ARID2: variants seen among roughly 807,000 people sequenced by gnomAD.
ARID2 encodes AT-rich interaction domain 2, also known as AT-rich interactive domain-containing protein 2.
In ARID2, 32 loss-of-function variants were observed where a neutral mutation model predicts 184.6. The observed-to-expected ratio is 0.17, with a 90% CI of 0.13 to 0.23. ARID2 has a LOEUF of 0.23. Among genes scored for constraint, ARID2 ranks in the 10% least tolerant of loss-of-function variants. The probability of loss-of-function intolerance (pLI) is 1.00; values close to 1 mark genes in which losing one functional copy is unlikely to be tolerated. For synonymous variants in ARID2, 836 were observed against 772.6 expected, an observed-to-expected ratio of 1.08 and a Z score of -1.36; for missense variants, 1,696 against 2,197.6, an observed-to-expected ratio of 0.77 and a Z score of 4.56.
rs956321099 is a variant in ARID2 at position 45,837,778 on chromosome 12, C to T, written c.1330+71C>T. The T allele has an allele frequency of 2.0e-5, 28 of 1,369,874 alleles. No individual in the cohort carries two copies. The South Asian group carries it at 2.9e-4, about 14-fold the overall frequency. The allele number at this position is 1,369,874 out of a possible 1,614,324, so 84.9% of individuals were successfully genotyped here. A position where few individuals can be genotyped will look rare whatever the true frequency, so the allele number is the denominator to read the frequency against. On this transcript the variant is annotated intron_variant, in intron 10 of 20. Coordinates refer to ENST00000334344, the MANE Select transcript of ARID2 (RefSeq NM_152641.4). ...TGTTTAATATGGTACTGTACAAAAC[C>T]CTCAATTTATATTTGAGGTTTAGTG...
rs1341766596 is a variant in ARID2, at chr12:45,850,686, A to T, written c.2563A>T (p.Thr855Ser). ...TVIIAPPQYV[T>S]TSASNIVSAT... is the part of the protein sequence containing the mutation. ...TATCATAGCACCCCCACAGTATGTA[A>T]CAACTTCTGCATCCAATATTGTCTC... Residue 855 changes from threonine to serine, a missense_variant, in exon 15 of 21, where the codon ACA (threonine) becomes TCA (serine). Physicochemically the swap from Thr to Ser is moderately conservative, Grantham distance 58. Transcript: ENST00000334344. 6.2e-7 allele frequency: 1 copy of T among 1,614,010 alleles called. No homozygotes were observed. The highest frequency in any genetic ancestry group is 1.3e-5 in the African/African-American group (1 of 74,912).
At chr12:45,854,215 G>C (rs909815081) in intron 15 of ARID2, among the ~76,000 whole-genome samples, 4 of 152,096 alleles carry the variant, frequency 2.6e-5, no homozygotes, top group African/African-American at 7.2e-5. Context: ...CAAGCTCAGA[G>C]CCCCCAATGA....
At chr12:45,817,647 A>G (rs2138092042) in intron 4 of ARID2, 23 bp from the exon 5 acceptor site, 2 of 1,576,254 alleles carry the variant, frequency 1.3e-6, no homozygotes, top group Non-Finnish European at 1.7e-6. Flanking sequence ...TGATATACTT[A>G]AGGTATTTTT....
At chr12:45,848,589 T>C (rs574671750) in intron 12 of ARID2, among the ~76,000 whole-genome samples, 4 of 152,250 alleles carry the variant, frequency 2.6e-5, no homozygotes, top group African/African-American at 7.2e-5. Context: ...CCTGCTCTCA[T>C]TGGGATGTGA....
chr12:45,775,935 A>G (rs1941969128), intron 3 of ARID2: 1 of 157,096 alleles, frequency 6.4e-6, no homozygotes, highest in Admixed American at 6.5e-5. Flanking sequence ...TAATTGGTGA[A>G]AATCCGGTGG....
Position 45,850,704 on chromosome 12 carries a change from A to G in ARID2, c.2581A>G (p.Ile861Val), listed in dbSNP as rs1407814697. 5 of 1,613,918 alleles carry G rather than the reference A, an allele frequency of 3.1e-6. No individual in the cohort carries two copies. The highest frequency in any genetic ancestry group is 3.4e-6 in the Non-Finnish European group (4 of 1,179,958). Reference sequence around the variant, plus strand: ...GTATGTAACAACTTCTGCATCCAATATTGTCTCAGCAACTTCAGTACAGAA... The same window carrying G: ...GTATGTAACAACTTCTGCATCCAATGTTGTCTCAGCAACTTCAGTACAGAA... ...PQYVTTSASNIVSATSVQNFQ... is the reference protein window; with the variant it reads ...PQYVTTSASNVVSATSVQNFQ... Residue 861 changes from isoleucine to valine, a missense_variant, in exon 15 of 21, where the codon ATT (isoleucine) becomes GTT (valine). This residue lies in a region of ARID2 where 713 missense variants were observed against 824.4 expected (regional missense o/e 0.86). Transcript: ENST00000334344.
intron 3 of ARID2, among the ~76,000 whole-genome samples, chr12:45,785,945 T>C (rs1942189765): frequency 6.6e-6 from 1 of 152,072 alleles, no homozygotes. Context: ...TGTGGGAAAA[T>C]TGTCTTCCAT....
At chr12:45,896,302 G>A (rs1248610246) in intron 20 of ARID2, among the ~76,000 whole-genome samples, 2 of 152,170 alleles carry the variant, frequency 1.3e-5, no homozygotes, top group African/African-American at 4.8e-5. Context: ...TGCTATGATT[G>A]GAAGCAGAGT....
rs539191030 is a variant in ARID2, at chr12:45,851,741, G to C, written c.3618G>C (p.Thr1206=). 6.2e-7 allele frequency: 1 copy of C among 1,614,112 alleles called. No homozygotes were observed. The highest frequency in any genetic ancestry group is 8.5e-7 in the Non-Finnish European group (1 of 1,180,006). ...IAPAGITMSG[T]QTGVGLPVQT... ...CAGCAGGAATTACCATGAGCGGAAC[G>C]CAGACAGGAGTTGGACTTCCAGTAC... The change falls in exon 15 of 21, where the codon ACG becomes ACC. Residue 1206 remains threonine, a synonymous_variant. Coordinates refer to ENST00000334344, the MANE Select transcript of ARID2 (RefSeq NM_152641.4).
intron 3 of ARID2, among the ~76,000 whole-genome samples, chr12:45,796,370 T>A (rs981168295): frequency 6.6e-6 from 1 of 152,168 alleles, no homozygotes; most frequent in Non-Finnish European, 1.5e-5. Context: ...AGTAGTTCCC[T>A]GTTGGATAGT....
intron 11 of ARID2, among the ~76,000 whole-genome samples, chr12:45,846,541 A>C (rs903250763): frequency 6.6e-6 from 1 of 152,116 alleles, no homozygotes; most frequent in African/African-American, 2.4e-5. Flanking sequence ...AGATATTGTA[A>C]AGTATTTAGT....
intron 13 of ARID2, 90 bp from the exon 14 acceptor site, chr12:45,849,490 G>C: frequency 1.9e-6 from 2 of 1,047,610 alleles, no homozygotes; most frequent in Non-Finnish European, 2.8e-6. Flanking sequence ...ATAAGCAACA[G>C]TAAACATACT....
chr12:45,849,810 T>C (rs773649834), intron 14 of ARID2, 34 bp downstream of exon 14: 1 of 1,569,566 alleles, frequency 6.4e-7, no homozygotes. Context: ...AAAGTATTAC[T>C]GATTTAATAA....
intron 16 of ARID2, among the ~76,000 whole-genome samples, chr12:45,886,775 G>A (rs929354744): frequency 6.6e-6 from 1 of 152,222 alleles, no homozygotes; most frequent in Non-Finnish European, 1.5e-5. Context: ...TGAAGCTACA[G>A]CCCAAGCTGT....
intron 3 of ARID2, among the ~76,000 whole-genome samples, chr12:45,796,335 C>T (rs1296510494): frequency 1.3e-5 from 2 of 151,946 alleles, no homozygotes; most frequent in African/African-American, 4.8e-5. Flanking sequence ...GCCACATGGA[C>T]TTTTCTTGCA....
intron 5 of ARID2, among the ~76,000 whole-genome samples, chr12:45,821,143 G>C (rs1942886823): frequency 6.6e-6 from 1 of 152,010 alleles, no homozygotes; most frequent in South Asian, 2.1e-4. Context: ...CCAGTGTGGA[G>C]TAACTCTTAA....
chr12:45,785,866 C>G (rs1942187665), intron 3 of ARID2, among the ~76,000 whole-genome samples: 1 of 152,006 alleles, frequency 6.6e-6, no homozygotes, highest in Non-Finnish European at 1.5e-5. Context: ...AAAAAAGATC[C>G]AGTGAAATAA....
intron 4 of ARID2, among the ~76,000 whole-genome samples, chr12:45,811,865 A>G (rs903575040): frequency 2.6e-5 from 4 of 152,186 alleles, no homozygotes; most frequent in African/African-American, 9.7e-5. Flanking sequence ...TCCTGTTAGG[A>G]TTCAGGAGAC....
intron 16 of ARID2, among the ~76,000 whole-genome samples, chr12:45,867,366 G>A (rs929939190): frequency 2.0e-5 from 3 of 151,966 alleles, no homozygotes; most frequent in Admixed American, 6.5e-5. Context: ...GATCCCTCCC[G>A]CCTCAGCCTC....
Sources: gnomAD v4.1 joint callset for allele counts (sites outside exome capture counted in the v4.1 genomes callset) on GRCh38, gnomAD v4.1.1 for gene constraint, gnomAD v4.1.1 regional missense constraint, MANE v1.5 for transcripts, NCBI Gene and HGNC (gene_info 2026-07-23, HGNC 2026-07-21) for gene names.